DNM3: variants seen among roughly 807,000 people sequenced by gnomAD.
The protein encoded by DNM3 is dynamin-3.
Under a neutral mutation model 101.6 loss-of-function variants are expected in DNM3, and 47 were observed. The ratio of observed to expected loss-of-function variants is 0.46; its 90% CI spans 0.37 to 0.59. The LOEUF (loss-of-function observed/expected upper bound fraction) is 0.59, where lower values mean the gene tolerates loss of function less well. Ranked by LOEUF, DNM3 falls within the 20% of genes least tolerant of loss-of-function variation. The pLI is 0.00. For synonymous variants in DNM3, 385 were observed against 387.9 expected (o/e 0.99, Z 0.09); for missense variants, 849 against 1,085.7 (o/e 0.78, Z 3.06).
chr1:172,408,211 C>T lies in DNM3; in HGVS notation c.*370C>T. ...AATTCTTCAGATATGAGATAGTGGGCTTAGACCTAAGCCATACATATTTCT... is the reference window on the plus strand; with the variant it reads ...AATTCTTCAGATATGAGATAGTGGGTTTAGACCTAAGCCATACATATTTCT... On this transcript the variant is annotated 3_prime_UTR_variant, in exon 21 of 21. Transcript: ENST00000627582. 1.9e-5 allele frequency: 20 copies of T among 1,043,744 alleles called. No individual in the cohort carries two copies. The highest frequency in any genetic ancestry group is 3.3e-5 in the African/African-American group (2 of 59,938). The allele number at this position is 1,043,744 out of a possible 1,614,324, so 64.7% of individuals were successfully genotyped here.
chr1:172,283,043 T>A (rs909257615), intron 15 of DNM3, among the ~76,000 whole-genome samples: 1 of 152,242 alleles, frequency 6.6e-6, no homozygotes, highest in East Asian at 1.9e-4. Context: ...TGCTAGTTAC[T>A]GACAATCAGG....
intron 1 of DNM3, among the ~76,000 whole-genome samples, chr1:171,918,357 A>G (rs2039887111): frequency 6.6e-6 from 1 of 152,212 alleles, no homozygotes; most frequent in African/African-American, 2.4e-5. Flanking sequence ...TTGCCCATTC[A>G]GTGGTAGAGC....
chr1:172,405,716 G>A (rs1341899028), intron 20 of DNM3, among the ~76,000 whole-genome samples: 2 of 151,862 alleles, frequency 1.3e-5, no homozygotes, highest in Non-Finnish European at 2.9e-5. Flanking sequence ...CCTCCCACCA[G>A]CCAACTGGTT....
intron 15 of DNM3, among the ~76,000 whole-genome samples, chr1:172,288,829 G>A (rs772258931): frequency 6.6e-6 from 1 of 152,192 alleles, no homozygotes; most frequent in Admixed American, 6.5e-5. Flanking sequence ...GAGAGCAACT[G>A]TAGCTCAGAG....
At chr1:172,165,733 T>C (rs1323507355) in intron 14 of DNM3, among the ~76,000 whole-genome samples, 1 of 152,140 alleles carries the variant, frequency 6.6e-6, no homozygotes, top group Non-Finnish European at 1.5e-5. Flanking sequence ...TGACAAATGT[T>C]GCATAGAAAT....
intron 14 of DNM3, among the ~76,000 whole-genome samples, chr1:172,186,405 G>A (rs565130207): frequency 1.3e-5 from 2 of 151,404 alleles, no homozygotes; most frequent in South Asian, 4.2e-4. Flanking sequence ...ACTTTGTAAT[G>A]ATGAAATGCA....
chr1:172,403,921 G>A (rs1172238018), intron 20 of DNM3, among the ~76,000 whole-genome samples: 1 of 152,146 alleles, frequency 6.6e-6, no homozygotes, highest in Non-Finnish European at 1.5e-5. Context: ...GAATGGTTAG[G>A]AACTGGACCA....
intron 18 of DNM3, chr1:172,380,995 A>C (rs908942923): frequency 1.1e-4 from 16 of 151,396 alleles, no homozygotes; most frequent in Non-Finnish European, 2.2e-4. Flanking sequence ...AAAAAAAAAA[A>C]CAAAAAACCC....
chr1:171,988,112 A>G (rs1189168384), intron 3 of DNM3, among the ~76,000 whole-genome samples: 1 of 152,166 alleles, frequency 6.6e-6, no homozygotes, highest in East Asian at 1.9e-4. Flanking sequence ...GAAATCTTAG[A>G]GGTACATGTT....
At chr1:172,232,062 G>T (rs1157477335) in intron 14 of DNM3, among the ~76,000 whole-genome samples, 2 of 152,074 alleles carry the variant, frequency 1.3e-5, no homozygotes, top group East Asian at 3.9e-4. Context: ...ATGTAAATGG[G>T]CTAAATGCTC....
chr1:172,288,870 A>G (rs1007313827), intron 15 of DNM3, among the ~76,000 whole-genome samples: 2 of 152,232 alleles, frequency 1.3e-5, no homozygotes, highest in Admixed American at 6.5e-5. Flanking sequence ...GTCAGTTTAT[A>G]TATAGTACTA....
At chr1:172,179,924 A>G (rs1572849908) in intron 14 of DNM3, among the ~76,000 whole-genome samples, 1 of 152,030 alleles carries the variant, frequency 6.6e-6, no homozygotes, top group Non-Finnish European at 1.5e-5. Context: ...GAACCCTACC[A>G]TTAGTAGATA....
At chr1:172,276,336 A>G (rs1376927077) in intron 15 of DNM3, among the ~76,000 whole-genome samples, 1 of 152,078 alleles carries the variant, frequency 6.6e-6, no homozygotes, top group East Asian at 1.9e-4. Context: ...TGACCCCTAT[A>G]GTATATACTC....
chr1:172,149,115 G>C (rs975437773), intron 14 of DNM3, among the ~76,000 whole-genome samples: 2 of 152,126 alleles, frequency 1.3e-5, no homozygotes, highest in Non-Finnish European at 1.5e-5. Flanking sequence ...GATTGTGAGA[G>C]AATTGATTTT....
intron 1 of DNM3, among the ~76,000 whole-genome samples, chr1:171,911,158 C>A (rs970533136): frequency 2.0e-5 from 3 of 151,944 alleles, no homozygotes; most frequent in African/African-American, 7.3e-5. Flanking sequence ...AAATCAGATT[C>A]CATTCTTTTT....
chr1:172,118,265 C>A (rs2056064970), intron 13 of DNM3, among the ~76,000 whole-genome samples: 1 of 152,106 alleles, frequency 6.6e-6, no homozygotes, highest in Non-Finnish European at 1.5e-5. Flanking sequence ...TATTTAATAC[C>A]TGAGTGTGTG....
At chr1:172,243,839 C>T (rs540334121) in intron 14 of DNM3, among the ~76,000 whole-genome samples, 2 of 152,124 alleles carry the variant, frequency 1.3e-5, no homozygotes, top group Non-Finnish European at 2.9e-5. Flanking sequence ...GAGTTTCATA[C>T]TTGTACATCT....
chr1:171,881,931 T>C (rs920081335), intron 1 of DNM3, among the ~76,000 whole-genome samples: 7 of 152,218 alleles, frequency 4.6e-5, no homozygotes, highest in African/African-American at 1.7e-4. Context: ...TCTTTTAAAA[T>C]AGTACATTTA....
At position 171,955,898 on chromosome 1, in the gene DNM3, G is replaced by A. The variant is rs562385277; in HGVS notation, c.236-31758G>A. Among the ~76,000 whole-genome samples, 7 of 152,282 alleles carry A rather than the reference G, an allele frequency of 4.6e-5. No individual in the cohort carries two copies. The South Asian group carries it at 1.5e-3, about 32-fold the overall frequency. ...TGTCTTACGTGGCAGCAGACAAGAG[G>A]AGAGAGGTTGTGCAGGGAAACTCCC... On this transcript the variant is annotated intron_variant, in intron 2 of 20. Transcript: ENST00000627582.
Sources: allele counts gnomAD v4.1 joint callset (sites outside exome capture counted in the v4.1 genomes callset), GRCh38; gene constraint gnomAD v4.1.1; transcripts MANE v1.5; gene names NCBI Gene and HGNC (gene_info 2026-07-23, HGNC 2026-07-21).